MTF2: variants seen among roughly 807,000 people sequenced by gnomAD.
MTF2 encodes the protein metal response element binding transcription factor 2, also known as metal-response element-binding transcription factor 2.
A neutral mutation model predicts 79.5 loss-of-function variants in MTF2; 11 were observed. That is an observed-to-expected ratio of 0.14 (90% CI 0.09 to 0.23). The LOEUF is 0.23. Among genes scored for constraint, MTF2 ranks in the 10% least tolerant of loss-of-function variants. MTF2 has a pLI of 1.00. For synonymous variants in MTF2, 208 were observed against 232.8 expected (o/e 0.89, Z 0.97); for missense variants, 486 against 711.2 (o/e 0.68, Z 3.60).
intron 1 of MTF2, among the ~76,000 whole-genome samples, chr1:93,109,121 T>G (rs950242633): frequency 6.6e-6 from 1 of 152,176 alleles, no homozygotes; most frequent in African/African-American, 2.4e-5. Flanking sequence ...TTTAGAATTA[T>G]TATCTAGTTT....
chr1:93,087,329 T>TG (rs1654886377), intron 1 of MTF2, among the ~76,000 whole-genome samples: 1 of 152,124 alleles, frequency 6.6e-6, no homozygotes, highest in Admixed American at 6.6e-5. Flanking sequence ...CCCAGCACTT[T>TG]GGGAGGCCGA....
chr1:93,121,612 A>AT, intron 9 of MTF2: 1 of 976,420 alleles, frequency 1.0e-6, no homozygotes, highest in Non-Finnish European at 1.2e-6. Flanking sequence ...ATAATGCATG[A>AT]TTTAGTTTGT....
chr1:93,103,410 T>A (rs1655630483), intron 1 of MTF2, among the ~76,000 whole-genome samples: 2 of 151,596 alleles, frequency 1.3e-5, no homozygotes, highest in African/African-American at 2.4e-5. Flanking sequence ...AAAAGATTAT[T>A]TTATGTGCTT....
intron 1 of MTF2, among the ~76,000 whole-genome samples, chr1:93,084,608 T>C (rs1481395534): frequency 6.6e-6 from 1 of 152,222 alleles, no homozygotes; most frequent in Non-Finnish European, 1.5e-5. Context: ...ATTATTAACA[T>C]CTATGAACAT....
At position 93,079,467 on chromosome 1, in the gene MTF2, A is replaced by C; in HGVS notation, c.-60A>C. The C allele has an allele frequency of 6.2e-7, 1 of 1,612,616 alleles. No individual in the cohort carries two copies. The highest frequency in any genetic ancestry group is 1.1e-5 in the South Asian group (1 of 90,748). ...GCTCGGACTCGCAGGGGAAGCGCCC[A>C]CGGGGACGGATTGGTTGTTTTTTCC... On this transcript the variant is annotated 5_prime_UTR_variant, in exon 1 of 15. Transcript: ENST00000370298.
Position 93,115,147 on chromosome 1 carries a change from T to C in MTF2, c.483+59T>C. 2.4e-6 allele frequency: 3 copies of C among 1,270,700 alleles called. 1 individual carries two copies. Among genetic ancestry groups the C allele is most frequent in the South Asian group, 2.5e-5 (2 of 80,874 alleles). 78.7% of individuals were successfully genotyped at this position (1,270,700 alleles called of 1,614,324 possible). A position where few individuals can be genotyped will look rare whatever the true frequency, so the allele number is the denominator to read the frequency against. ...TGGAATTTGTAAGACATTATCAACATAATGATTGTGTACACTGAAAGTTTG... is the reference window on the plus strand; with the variant it reads ...TGGAATTTGTAAGACATTATCAACACAATGATTGTGTACACTGAAAGTTTG... On this transcript the variant is annotated intron_variant, in intron 5 of 14. Transcript: ENST00000370298.
intron 1 of MTF2, among the ~76,000 whole-genome samples, chr1:93,102,582 AC>A (rs1655591257): frequency 6.6e-6 from 1 of 151,216 alleles, no homozygotes; most frequent in Admixed American, 6.6e-5. Flanking sequence ...ACAGAGAGAG[AC>A]CCTGTCTCAA....
intron 6 of MTF2, 46 bp from the exon 7 acceptor site, chr1:93,118,299 C>A: frequency 1.9e-5 from 22 of 1,178,854 alleles, no homozygotes; most frequent in African/African-American, 3.3e-5. Context: ...GAACCTTTCC[C>A]TTAAGACAGG....
intron 6 of MTF2, among the ~76,000 whole-genome samples, chr1:93,118,087 A>G (rs368431118): frequency 2.6e-5 from 4 of 152,256 alleles, no homozygotes; most frequent in African/African-American, 9.6e-5. Flanking sequence ...GGAGCCAGGC[A>G]TTTTTGACTA....
intron 4 of MTF2, 43 bp downstream of exon 4, chr1:93,114,826 TA>T (rs779631872): frequency 3.4e-6 from 5 of 1,459,232 alleles, no homozygotes. Flanking sequence ...ACTGAATGAC[TA>T]TGTTGAAGAT....
At position 93,137,059 on chromosome 1, in the gene MTF2, C is replaced by CT. The variant is rs1647431717; in HGVS notation, c.*33dup. 1 of 1,557,592 alleles carries CT rather than the reference C, an allele frequency of 6.4e-7. No individual in the cohort carries two copies. The highest frequency in any genetic ancestry group is 2.3e-5 in the East Asian group (1 of 44,402). ...GACTGAACATTATGTTCACTGCACT[C>CT]TGATTTTCTGTAGGTACAGTTCAAA... On this transcript the variant is annotated 3_prime_UTR_variant, in exon 15 of 15. Transcript: ENST00000370298.
rs1373161287 is a variant in MTF2, at chr1:93,110,358, A to C, written c.134A>C (p.Lys45Thr). Reference protein sequence around the residue: ...DGHKAKKPACKFEEGQDVLAR... With the variant: ...DGHKAKKPACTFEEGQDVLAR... ...CATAAAGCCAAAAAGCCAGCATGTA[A>C]ATTTGAAGAGGGTCAGGATGTCCTA... The change falls in exon 2 of 15, where the codon AAA becomes ACA. Residue 45 changes from lysine to threonine, a missense_variant. Lys to Thr is a moderately conservative substitution (Grantham distance 78). This residue lies in a region of MTF2 where 75 missense variants were observed against 83.8 expected (regional missense o/e 0.89). Transcript: ENST00000370298. 1.2e-6 allele frequency: 2 copies of C among 1,614,050 alleles called. No homozygotes were observed. The highest frequency in any genetic ancestry group is 3.3e-5 in the Admixed American group (2 of 60,002).
chr1:93,095,551 G>A (rs1655252466), intron 1 of MTF2, among the ~76,000 whole-genome samples: 1 of 152,018 alleles, frequency 6.6e-6, no homozygotes, highest in South Asian at 2.1e-4. Flanking sequence ...ATGTTGGCCA[G>A]GATGGTCTCG....
At chr1:93,132,880 G>C (rs1656973743) in intron 11 of MTF2, among the ~76,000 whole-genome samples, 1 of 151,876 alleles carries the variant, frequency 6.6e-6, no homozygotes, top group African/African-American at 2.4e-5. Flanking sequence ...ACTATATTGT[G>C]AACTCTTTAG....
Position 93,079,435 on chromosome 1 carries a change from A to T in MTF2, c.-92A>T, listed in dbSNP as rs1654501343. 1.3e-6 allele frequency: 2 copies of T among 1,543,770 alleles called. No individual in the cohort carries two copies. Among genetic ancestry groups the T allele is most frequent in the Non-Finnish European group, 1.8e-6 (2 of 1,118,982 alleles). ...CGGGTACCCGGTGGGGCGGGTGCCCAGTAAGTGCTCGGACTCGCAGGGGAA... is the reference window on the plus strand; with the variant it reads ...CGGGTACCCGGTGGGGCGGGTGCCCTGTAAGTGCTCGGACTCGCAGGGGAA... On this transcript the variant is annotated 5_prime_UTR_variant, in exon 1 of 15. Coordinates refer to ENST00000370298, the MANE Select transcript of MTF2 (RefSeq NM_007358.4).
At chr1:93,115,399 GTTT>G (rs776665654) in intron 5 of MTF2, 68 bp from the exon 6 acceptor site, 191 of 1,247,338 alleles carry the variant, frequency 1.5e-4, no homozygotes, top group Non-Finnish European at 1.9e-4. Flanking sequence ...TGTCAGAGTC[GTTT>G]TTAAAGTATA....
chr1:93,111,550 G>A (rs1281002271), intron 3 of MTF2, among the ~76,000 whole-genome samples: 1 of 152,086 alleles, frequency 6.6e-6, no homozygotes, highest in Non-Finnish European at 1.5e-5. Context: ...AAAAGTTTTG[G>A]TAAAGGAATT....
chr1:93,128,953 C>T (rs1656813141), intron 10 of MTF2: 1 of 173,762 alleles, frequency 5.8e-6, no homozygotes, highest in African/African-American at 2.4e-5. Flanking sequence ...TAACAGATGA[C>T]ACTAAATATG....
intron 6 of MTF2, among the ~76,000 whole-genome samples, chr1:93,116,961 G>A (rs560487406): frequency 6.6e-5 from 10 of 152,026 alleles, no homozygotes; most frequent in Non-Finnish European, 1.3e-4. Context: ...CACGGTTTTT[G>A]GTGGCCCAAA....
Sources: allele counts gnomAD v4.1 joint callset (sites outside exome capture counted in the v4.1 genomes callset), GRCh38; gene constraint gnomAD v4.1.1; regional missense constraint gnomAD v4.1.1; transcripts MANE v1.5; gene names NCBI Gene and HGNC (gene_info 2026-07-23, HGNC 2026-07-21).